Variants in NKAIN3 observed in about 807,000 individuals in gnomAD.
The protein encoded by NKAIN3 is sodium/potassium-transporting ATPase subunit beta-1-interacting protein 3.
In NKAIN3, 25 loss-of-function variants were observed where a neutral mutation model predicts 30.2. The ratio of observed to expected loss-of-function variants is 0.83; its 90% CI spans 0.60 to 1.16. NKAIN3 has a LOEUF of 1.16. NKAIN3 is among the 50% of genes most tolerant of loss of function. The probability of loss-of-function intolerance (pLI) is 0.00; values close to 1 mark genes in which losing one functional copy is unlikely to be tolerated. For synonymous variants in NKAIN3, 91 were observed against 89.6 expected (o/e 1.02, Z -0.09); for missense variants, 225 against 254.1 (o/e 0.89, Z 0.78).
chr8:62,821,788 T>C (rs952874064), intron 4 of NKAIN3, among the ~76,000 whole-genome samples: 1 of 152,026 alleles, frequency 6.6e-6, no homozygotes, highest in Non-Finnish European at 1.5e-5. Flanking sequence ...GGGTGTTCCC[T>C]GAGAAGGTAT....
intron 1 of NKAIN3, among the ~76,000 whole-genome samples, chr8:62,331,524 C>T (rs1225514602): frequency 6.6e-6 from 1 of 152,150 alleles, no homozygotes; most frequent in Non-Finnish European, 1.5e-5. Flanking sequence ...AAAGCTAGAA[C>T]TGAGCACTGC....
At chr8:62,296,566 T>C (rs1484802911) in intron 1 of NKAIN3, among the ~76,000 whole-genome samples, 2 of 152,198 alleles carry the variant, frequency 1.3e-5, no homozygotes, top group East Asian at 1.9e-4. Flanking sequence ...TTTACAGTTA[T>C]TGTAATTAAC....
intron 1 of NKAIN3, among the ~76,000 whole-genome samples, chr8:62,521,152 TG>T (rs1419958283): frequency 6.6e-6 from 1 of 151,892 alleles, no homozygotes; most frequent in Non-Finnish European, 1.5e-5. Context: ...TGCCTCTGTC[TG>T]GGATGATTTA....
intron 4 of NKAIN3, among the ~76,000 whole-genome samples, chr8:62,814,402 C>T (rs2352718): frequency 6.6e-6 from 1 of 151,478 alleles, no homozygotes; most frequent in Admixed American, 6.6e-5. Context: ...CTACAGAACT[C>T]TCCACCCCAA....
At chr8:62,473,638 G>T (rs2053938) in intron 1 of NKAIN3, among the ~76,000 whole-genome samples, 54,078 of 151,872 alleles carry the variant, frequency 0.36, 10,444 homozygotes, top group South Asian at 0.45. Flanking sequence ...TCTTAGATTG[G>T]CATTCAGAAC....
rs1818984907 is a variant in NKAIN3, at chr8:62,825,275, A to G, written c.471+78146A>G. Among the ~76,000 whole-genome samples, 3 of 152,224 alleles carry G rather than the reference A, an allele frequency of 2.0e-5. No individual in the cohort carries two copies. In the South Asian group the frequency reaches 6.2e-4, roughly 31 times the overall value. ...ATCTTATTTATAACTCCCATGGACT[A>G]TTCTGTTTTACTAGACACATTTAGG... On this transcript the variant is annotated intron_variant, in intron 4 of 6. Coordinates refer to ENST00000623646, the MANE Select transcript of NKAIN3 (RefSeq NM_001304533.3).
At chr8:62,735,621 A>T (rs1253429930) in intron 3 of NKAIN3, among the ~76,000 whole-genome samples, 2 of 151,888 alleles carry the variant, frequency 1.3e-5, no homozygotes, top group Non-Finnish European at 2.9e-5. Context: ...TTAATAATAC[A>T]CCTTCTGAAT....
chr8:62,745,450 G>A lies in NKAIN3; in HGVS notation c.274-1482G>A, dbSNP rs151145403. Among the ~76,000 whole-genome samples, 410 of 152,326 alleles carry A rather than the reference G, an allele frequency of 2.7e-3. 2 individuals are homozygous for A. The highest frequency in any genetic ancestry group is 8.8e-3 in the African/African-American group (364 of 41,568). ...ATCCCCAGCTACCCTGCAGAGCAGT[G>A]TCCTTGCCCGGGGACTGCTTTGGCC... On this transcript the variant is annotated intron_variant, in intron 3 of 6. Transcript: ENST00000623646.
At chr8:62,919,608 G>A (rs565291052) in intron 5 of NKAIN3, among the ~76,000 whole-genome samples, 1 of 152,260 alleles carries the variant, frequency 6.6e-6, no homozygotes, top group East Asian at 1.9e-4. Context: ...AATTATTTTA[G>A]ATAAAGAAAT....
intron 1 of NKAIN3, among the ~76,000 whole-genome samples, chr8:62,528,763 C>G (rs1321444392): frequency 6.6e-6 from 1 of 152,036 alleles, no homozygotes; most frequent in African/African-American, 2.4e-5. Context: ...GTTGTGTATG[C>G]CGGTATGACG....
chr8:62,683,817 T>C (rs1391913698), intron 3 of NKAIN3, among the ~76,000 whole-genome samples: 1 of 152,024 alleles, frequency 6.6e-6, no homozygotes, highest in Non-Finnish European at 1.5e-5. Context: ...TTGGCAAAAA[T>C]GAAAGAGATG....
At chr8:62,951,453 T>C (rs772020343) in intron 5 of NKAIN3, among the ~76,000 whole-genome samples, 5 of 152,208 alleles carry the variant, frequency 3.3e-5, no homozygotes, top group Admixed American at 6.5e-5. Flanking sequence ...AATTTGTTTG[T>C]TTGTTTGCTT....
intron 3 of NKAIN3, among the ~76,000 whole-genome samples, chr8:62,656,886 G>A (rs1379495422): frequency 2.0e-5 from 3 of 152,150 alleles, no homozygotes; most frequent in Admixed American, 6.6e-5. Flanking sequence ...GACAATGGAA[G>A]TGATTACTAA....
chr8:62,587,548 A>G (rs1238732899), intron 2 of NKAIN3, among the ~76,000 whole-genome samples: 3 of 151,984 alleles, frequency 2.0e-5, no homozygotes, highest in African/African-American at 7.2e-5. Flanking sequence ...TGAATCTATA[A>G]TCCTTTTACT....
chr8:62,988,848 A>T (rs540512416), downstream of NKAIN3, among the ~76,000 whole-genome samples: 7 of 152,300 alleles, frequency 4.6e-5, no homozygotes, highest in East Asian at 1.4e-3. Flanking sequence ...TTTCTTTTCT[A>T]TCACATCATC....
intron 3 of NKAIN3, among the ~76,000 whole-genome samples, chr8:62,603,239 A>C (rs1215561928): frequency 6.6e-6 from 1 of 152,154 alleles, no homozygotes; most frequent in Non-Finnish European, 1.5e-5. Flanking sequence ...ATGATGAAGA[A>C]TTTCTGGTGA....
chr8:62,452,066 G>A (rs1295980528), intron 1 of NKAIN3, among the ~76,000 whole-genome samples: 3 of 152,154 alleles, frequency 2.0e-5, no homozygotes, highest in Non-Finnish European at 2.9e-5. Context: ...GCTCAGAGTG[G>A]CTTAGCCAAT....
intron 3 of NKAIN3, among the ~76,000 whole-genome samples, chr8:62,744,195 T>C (rs1014442603): frequency 6.6e-6 from 1 of 152,186 alleles, no homozygotes; most frequent in Non-Finnish European, 1.5e-5. Flanking sequence ...GTACTCAGCA[T>C]GCCAAATCAC....
chr8:62,810,844 A>G (rs889017044), intron 4 of NKAIN3, among the ~76,000 whole-genome samples: 1 of 152,100 alleles, frequency 6.6e-6, no homozygotes, highest in Non-Finnish European at 1.5e-5. Context: ...TAAAAATATA[A>G]TTGGATTCAT....
Sources: allele counts gnomAD v4.1 joint callset (sites outside exome capture counted in the v4.1 genomes callset), GRCh38; gene constraint gnomAD v4.1.1; transcripts MANE v1.5; gene names NCBI Gene and HGNC (gene_info 2026-07-23, HGNC 2026-07-21).